NUDT4: variants seen among roughly 807,000 people sequenced by gnomAD.
NUDT4 encodes diphosphoinositol polyphosphate phosphohydrolase 2.
A neutral mutation model predicts 23.1 loss-of-function variants in NUDT4; 5 were observed. The observed-to-expected ratio is 0.22, with a 90% confidence interval of 0.11 to 0.46. The LOEUF (loss-of-function observed/expected upper bound fraction) is 0.46. Ranked by LOEUF, NUDT4 falls within the 20% of genes least tolerant of loss-of-function variation. The pLI is 0.99. For missense variants in NUDT4, 96 were observed against 211.6 expected, an observed-to-expected ratio of 0.45 and a Z score of 3.39; for synonymous variants, 50 against 79.0, an observed-to-expected ratio of 0.63 and a Z score of 1.95.
Position 93,389,465 on chromosome 12 carries a change from T to C in NUDT4, c.100-5144T>C, listed in dbSNP as rs557394479. Among the ~76,000 whole-genome samples the C allele has an allele frequency of 2.6e-5, 4 of 151,980 alleles. No homozygotes were observed. In the South Asian group the frequency reaches 6.2e-4, roughly 24 times the overall value. ...TTACTGGATTGTGCTAAATCACTTATCAAATTTATATACTATTTTCATGAG... is the reference window on the plus strand; with the variant it reads ...TTACTGGATTGTGCTAAATCACTTACCAAATTTATATACTATTTTCATGAG... On this transcript the variant is annotated intron_variant, in intron 1 of 4. Coordinates refer to ENST00000415493, the MANE Select transcript of NUDT4 (RefSeq NM_019094.6).
chr12:93,398,520 AAGT>A (rs1480643768), intron 3 of NUDT4, among the ~76,000 whole-genome samples: 1 of 152,082 alleles, frequency 6.6e-6, no homozygotes, highest in Non-Finnish European at 1.5e-5. Context: ...TCTACAAAAA[AAGT>A]AGTATTGAGA....
intron 1 of NUDT4, among the ~76,000 whole-genome samples, chr12:93,382,585 G>A (rs1194657087): frequency 6.6e-6 from 1 of 151,686 alleles, no homozygotes; most frequent in Non-Finnish European, 1.5e-5. Flanking sequence ...ATACTCTGGG[G>A]CTCATAGTTC....
intron 1 of NUDT4, among the ~76,000 whole-genome samples, chr12:93,393,290 C>T (rs1297215195): frequency 1.9e-4 from 28 of 148,488 alleles, no homozygotes; most frequent in African/African-American, 4.8e-4. Context: ...TTAGTAAAGA[C>T]GGGGTTTCAC....
rs1304953645 is a variant in NUDT4, at chr12:93,377,981, G to A, written c.-342G>A. On this transcript the variant is annotated 5_prime_UTR_variant, in exon 1 of 5. Coordinates refer to ENST00000415493, the MANE Select transcript of NUDT4 (RefSeq NM_019094.6). ...GGGTCTTCGCAACTGTCTCCGCGTG[G>A]CGCGCGCCTCTAGCCGCCCTTCCCC... 1 of 239,996 alleles carries A rather than the reference G, an allele frequency of 4.2e-6. No individual in the cohort carries two copies. Among genetic ancestry groups the A allele is most frequent in the Non-Finnish European group, 8.3e-6 (1 of 120,846 alleles). 14.9% of individuals were successfully genotyped at this position (239,996 alleles called of 1,614,324 possible).
At chr12:93,381,274 A>G (rs1875641061) in intron 1 of NUDT4, among the ~76,000 whole-genome samples, 2 of 152,132 alleles carry the variant, frequency 1.3e-5, no homozygotes, top group Admixed American at 1.3e-4. Context: ...TGTTTTGTTT[A>G]TTTGACCTAC....
chr12:93,395,333 CAAT>C (rs949257718), intron 2 of NUDT4, among the ~76,000 whole-genome samples, 153 bp from the exon 3 acceptor site: 4 of 152,096 alleles, frequency 2.6e-5, no homozygotes, highest in Non-Finnish European at 5.9e-5. Flanking sequence ...AAGTAAATGA[CAAT>C]AAAAACTTCA....
intron 1 of NUDT4, chr12:93,385,035 C>T (rs1165078327): frequency 5.9e-5 from 9 of 152,214 alleles, no homozygotes; most frequent in Admixed American, 3.9e-4. Context: ...TCCCAAAGTG[C>T]TGGGATTACA....
intron 1 of NUDT4, among the ~76,000 whole-genome samples, chr12:93,385,798 A>G (rs1055651699): frequency 1.3e-5 from 2 of 151,744 alleles, no homozygotes; most frequent in Admixed American, 6.6e-5. Context: ...CAAGAAAAGC[A>G]ACCATTATGG....
chr12:93,382,078 G>A (rs973473925), intron 1 of NUDT4, among the ~76,000 whole-genome samples: 9 of 152,096 alleles, frequency 5.9e-5, no homozygotes, highest in African/African-American at 1.7e-4. Context: ...CCAACATGGC[G>A]AAACCCTGTC....
In NUDT4 at chr12:93,386,127, C is replaced by T. The variant is rs560966925; in HGVS notation, c.99+7706C>T. On this transcript the variant is annotated intron_variant, in intron 1 of 4. Coordinates refer to ENST00000415493, the MANE Select transcript of NUDT4 (RefSeq NM_019094.6). ...AGTAGCTTGGACTACAGGTACATGCCACCATGCCTGGCTAATTTATTGAGT... is the reference window on the plus strand; with the variant it reads ...AGTAGCTTGGACTACAGGTACATGCTACCATGCCTGGCTAATTTATTGAGT... 7.2e-5 allele frequency among the ~76,000 whole-genome samples: 11 copies of T among 151,838 alleles called. No individual in the cohort carries two copies. The East Asian group carries it at 2.1e-3, about 30-fold the overall frequency.
intron 2 of NUDT4, among the ~76,000 whole-genome samples, chr12:93,395,012 C>A (rs1208023772): frequency 2.0e-5 from 3 of 152,046 alleles, no homozygotes. Context: ...CCGCGTCTGG[C>A]TAATTTTTGT....
chr12:93,380,897 A>C (rs1270938472), intron 1 of NUDT4: 1 of 152,206 alleles, frequency 6.6e-6, no homozygotes, highest in East Asian at 1.9e-4. Context: ...CCTGGTTAGA[A>C]GATTTAAATG....
intron 1 of NUDT4, 198 bp downstream of exon 1, chr12:93,378,619 G>A (rs1875388662): frequency 8.1e-7 from 1 of 1,230,014 alleles, no homozygotes; most frequent in African/African-American, 1.6e-5. Context: ...TGAGACAAAG[G>A]GGGCTCGCCC....
intron 1 of NUDT4, among the ~76,000 whole-genome samples, chr12:93,385,975 A>ATATATATATATAC (rs1876059266): frequency 1.6e-5 from 2 of 128,868 alleles, no homozygotes; most frequent in African/African-American, 5.8e-5. Context: ...ATATATACAT[A>ATATATATATATAC]ATTTTTTTTT....
chr12:93,378,480 C>T, intron 1 of NUDT4, 59 bp downstream of exon 1: 1 of 1,440,742 alleles, frequency 6.9e-7, no homozygotes, highest in South Asian at 1.4e-5. Flanking sequence ...GGCCCGGGTG[C>T]TTCCCCTCGC....
intron 4 of NUDT4, 141 bp from the exon 5 acceptor site, chr12:93,399,036 A>T: frequency 1.4e-6 from 1 of 728,714 alleles, no homozygotes; most frequent in Non-Finnish European, 2.3e-6. Flanking sequence ...AGATAATTCA[A>T]ATGTAGAGAT....
intron 3 of NUDT4, 26 bp downstream of exon 3, chr12:93,395,559 T>C (rs1312986422): frequency 1.3e-6 from 2 of 1,568,400 alleles, no homozygotes; most frequent in South Asian, 1.1e-5. Flanking sequence ...ATCTTCACTT[T>C]GCTGATAATA....
Position 93,402,503 on chromosome 12 carries a change from T to TAAC in NUDT4, c.*3126_*3128dup, listed in dbSNP as rs1188703093. The TAAC allele has an allele frequency of 6.6e-6, 1 of 152,246 alleles. No homozygotes were observed. Among genetic ancestry groups the TAAC allele is most frequent in the African/African-American group, 2.4e-5 (1 of 41,472 alleles). The allele number at this position is 152,246 out of a possible 1,614,324, so 9.4% of individuals were successfully genotyped here. The stretch of plus-strand genomic sequence containing the variant: ...TGAAAGCCTGTCGGGAATTCCACAG[T>TAAC]AACACCTTTACTGTTCTCCCATTGA... On this transcript the variant is annotated 3_prime_UTR_variant, in exon 5 of 5. Transcript: ENST00000415493.
chr12:93,398,297 C>T (rs35370204), intron 3 of NUDT4, among the ~76,000 whole-genome samples: 6,910 of 145,084 alleles, frequency 0.048, 199 homozygotes, highest in Non-Finnish European at 0.065. Flanking sequence ...GCTGAGATCA[C>T]GCCACTGTAC....
Sources: allele counts gnomAD v4.1 joint callset (sites outside exome capture counted in the v4.1 genomes callset), GRCh38; gene constraint gnomAD v4.1.1; transcripts MANE v1.5; gene names NCBI Gene and HGNC (gene_info 2026-07-23, HGNC 2026-07-21).